Variants in SCHIP1 observed in about 807,000 individuals in gnomAD.
SCHIP1 encodes the protein schwannomin interacting protein 1.
SCHIP1 carries 8 observed loss-of-function variants against 29.7 expected under a neutral mutation model. The ratio of observed to expected loss-of-function variants is 0.27; its 90% confidence interval spans 0.16 to 0.49. The LOEUF is 0.49. Ranked by LOEUF, SCHIP1 falls within the 20% of genes least tolerant of loss-of-function variation. The pLI, the probability that SCHIP1 is intolerant of heterozygous loss-of-function variation, is 0.99. For synonymous variants in SCHIP1, 76 were observed against 94.9 expected (o/e 0.80, Z 1.16); for missense variants, 193 against 294.6 (o/e 0.66, Z 2.52).
the SCHIP1 span, among the ~76,000 whole-genome samples, chr3:159,383,426 G>A: frequency 1.3e-5 from 2 of 151,480 alleles, no homozygotes; most frequent in African/African-American, 2.4e-5. Context: ...GTAGATATGC[G>A]GCGTTATTTC....
the SCHIP1 span, among the ~76,000 whole-genome samples, chr3:159,316,122 T>TCTTTGGTC: frequency 1.4e-5 from 2 of 147,572 alleles, no homozygotes; most frequent in African/African-American, 5.4e-5. Context: ...TGGTAGGATT[T>TCTTTGGTC]CTTTGGTTCT....
At chr3:159,713,085 G>A in the SCHIP1 span, among the ~76,000 whole-genome samples, 1 of 151,184 alleles carries the variant, frequency 6.6e-6, no homozygotes, top group African/African-American at 2.4e-5. Context: ...AACCTGTGAG[G>A]CAGAGGTTGT....
the SCHIP1 span, among the ~76,000 whole-genome samples, chr3:159,404,203 C>A: frequency 6.6e-6 from 1 of 152,064 alleles, no homozygotes. Flanking sequence ...CCAGCACATT[C>A]CTAGCTTTAG....
chr3:159,588,979 G>GT, the SCHIP1 span, among the ~76,000 whole-genome samples: 4 of 152,106 alleles, frequency 2.6e-5, no homozygotes, highest in South Asian at 2.1e-4. Context: ...ATTTAAAGTA[G>GT]TTTTTTTCCA....
At chr3:159,387,177 T>C in the SCHIP1 span, 1 of 186,120 alleles carries the variant, frequency 5.4e-6, no homozygotes, top group Non-Finnish European at 1.1e-5. Flanking sequence ...GACCCTCAGA[T>C]GGCAGTGGCT....
the SCHIP1 span, among the ~76,000 whole-genome samples, chr3:159,801,107 A>C: frequency 6.6e-6 from 1 of 151,854 alleles, no homozygotes; most frequent in African/African-American, 2.4e-5. Flanking sequence ...TGGGTCCTTT[A>C]GTCTCTCATT....
At chr3:159,704,892 CTTTCTTTCTTTCTTTATTTCTTT>C in the SCHIP1 span, among the ~76,000 whole-genome samples, 1 of 77,000 alleles carries the variant, frequency 1.3e-5, no homozygotes, top group African/African-American at 1.1e-4. Context: ...TTCTTTCTTT[CTTTCTTTCTTTCTTTATTTCTTT>C]CTTTCTTTCT....
the SCHIP1 span, among the ~76,000 whole-genome samples, chr3:159,699,964 T>C: frequency 6.6e-6 from 1 of 152,118 alleles, no homozygotes; most frequent in African/African-American, 2.4e-5. Flanking sequence ...AAATTATAAC[T>C]AGAAAGATAC....
chr3:159,391,379 G>C, the SCHIP1 span, among the ~76,000 whole-genome samples: 1 of 152,098 alleles, frequency 6.6e-6, no homozygotes, highest in African/African-American at 2.4e-5. Context: ...GACATTTTGA[G>C]TTAAAAATAT....
chr3:159,300,401 A>G, the SCHIP1 span, among the ~76,000 whole-genome samples: 1 of 151,924 alleles, frequency 6.6e-6, no homozygotes, highest in African/African-American at 2.4e-5. Flanking sequence ...CAACACTTCA[A>G]TAGGTTCTAA....
chr3:159,580,007 C>G, the SCHIP1 span, among the ~76,000 whole-genome samples: 11 of 152,110 alleles, frequency 7.2e-5, no homozygotes, highest in African/African-American at 2.7e-4. Context: ...AGAAATATAG[C>G]CATAAACCAG....
At chr3:159,524,411 C>T in the SCHIP1 span, among the ~76,000 whole-genome samples, 3 of 152,302 alleles carry the variant, frequency 2.0e-5, no homozygotes, top group East Asian at 5.8e-4. Flanking sequence ...GTAGCCAAGT[C>T]CCCTCTCAAA....
the SCHIP1 span, among the ~76,000 whole-genome samples, chr3:159,448,693 C>T: frequency 1.3e-5 from 2 of 152,110 alleles, no homozygotes; most frequent in East Asian, 1.9e-4. Flanking sequence ...GTAAAATAAA[C>T]GAAACTATCA....
chr3:159,783,351 G>A, the SCHIP1 span, among the ~76,000 whole-genome samples: 2 of 152,212 alleles, frequency 1.3e-5, no homozygotes, highest in Non-Finnish European at 1.5e-5. Flanking sequence ...CCAGGTGAAA[G>A]GGATGGCAAG....
the SCHIP1 span, among the ~76,000 whole-genome samples, chr3:159,833,688 A>T: frequency 5.3e-5 from 8 of 151,978 alleles, no homozygotes; most frequent in Admixed American, 1.3e-4. Flanking sequence ...TGTGCAAAAG[A>T]CCCCTAAATT....
chr3:159,880,639 A>G (rs1482489017), intron 2 of SCHIP1, among the ~76,000 whole-genome samples: 1 of 152,220 alleles, frequency 6.6e-6, no homozygotes, highest in Non-Finnish European at 1.5e-5. Context: ...GCAGCAAACT[A>G]GAAAGTGTGT....
At chr3:159,380,587 T>C in the SCHIP1 span, among the ~76,000 whole-genome samples, 1 of 152,186 alleles carries the variant, frequency 6.6e-6, no homozygotes, top group African/African-American at 2.4e-5. Context: ...TATACAATAA[T>C]ATATGATGGT....
upstream of SCHIP1, among the ~76,000 whole-genome samples, chr3:159,836,156 C>T (rs1003701196): frequency 2.0e-5 from 3 of 152,148 alleles, no homozygotes; most frequent in Admixed American, 6.5e-5. Flanking sequence ...TCTGTTAGGG[C>T]TGCTGTAATA....
the SCHIP1 span, among the ~76,000 whole-genome samples, chr3:159,630,455 A>G: frequency 6.6e-6 from 1 of 152,202 alleles, no homozygotes; most frequent in Non-Finnish European, 1.5e-5. Context: ...ATATGTGGAT[A>G]AAGAAAATGT....
Sources: allele counts gnomAD v4.1 joint callset (sites outside exome capture counted in the v4.1 genomes callset), GRCh38; gene constraint gnomAD v4.1.1; transcripts MANE v1.5; gene names NCBI Gene and HGNC (gene_info 2026-07-23, HGNC 2026-07-21).